PASK: variants seen among roughly 807,000 people sequenced by gnomAD.
PASK encodes PAS domain-containing serine/threonine-protein kinase.
A neutral mutation model predicts 121.0 loss-of-function variants in PASK; 110 were observed. The observed-to-expected ratio is 0.91, with a 90% CI of 0.78 to 1.06. The LOEUF (loss-of-function observed/expected upper bound fraction) is 1.06. Ranked by LOEUF, PASK falls within the 50% of genes least tolerant of loss-of-function variation. The pLI, the probability that PASK is intolerant of heterozygous loss-of-function variation, is 0.00. For synonymous variants in PASK, 686 were observed against 717.8 expected, an observed-to-expected ratio of 0.96 and a Z score of 0.71; for missense variants, 1,643 against 1,702.3, an observed-to-expected ratio of 0.97 and a Z score of 0.61.
At chr2:241,119,468 CTTT>C (rs36113805) in intron 12 of PASK, among the ~76,000 whole-genome samples, 12 of 134,238 alleles carry the variant, frequency 8.9e-5, no homozygotes, top group Non-Finnish European at 1.3e-4. Flanking sequence ...CAAGATGCTT[CTTT>C]TTTTTTTTTT....
At chr2:241,111,256 C>T (rs3815300) in intron 15 of PASK, among the ~76,000 whole-genome samples, 35,778 of 152,072 alleles carry the variant, frequency 0.24, 6,588 homozygotes, top group African/African-American at 0.5. Flanking sequence ...GTGTGCCTCT[C>T]CTGTGGGGGC....
chr2:241,124,071 G>T lies in PASK; in HGVS notation c.2782C>A (p.Leu928Met). The change falls in exon 11 of 18, where the codon CTG becomes ATG. Residue 928 changes from leucine to methionine, a missense_variant. Transcript: ENST00000234040. ...QGPTPLFCCW[L>M]VKDLLHSQRD... The stretch of plus-strand genomic sequence containing the variant: ...TGGCTGTGGAGGAGGTCTTTCACCA[G>T]CCAGCAGCAGAACAGAGGTGTGGGG... The T allele has an allele frequency of 6.2e-7, 1 of 1,613,676 alleles. No homozygotes were observed. The highest frequency in any genetic ancestry group is 8.5e-7 in the Non-Finnish European group (1 of 1,179,888).
chr2:241,149,849 G>A (rs754267112), upstream of PASK: 3 of 1,475,606 alleles, frequency 2.0e-6, no homozygotes, highest in Non-Finnish European at 2.7e-6. Flanking sequence ...CTTGCAAGGG[G>A]AGCCCAGCTG....
In PASK at chr2:241,122,746, C is replaced by A; in HGVS notation, c.3058G>T (p.Glu1020Ter). ...FGFVWTAVDK[E>*]KNKEVVVKFI... ...AGCCAGGTTACCTCCTTGTTTTTTT[C>A]CTTGTCCACAGCAGTCCACACGAAG... The change falls in exon 12 of 18, where the codon GAA becomes TAA. Residue 1020 changes from glutamate to a stop codon, truncating the protein, a stop_gained. Transcript: ENST00000234040. LOFTEE classifies it high-confidence loss of function. The A allele has an allele frequency of 1.9e-6, 3 of 1,614,106 alleles. No individual in the cohort carries two copies. In the South Asian group the frequency reaches 3.3e-5, roughly 18 times the overall value.
intron 4 of PASK, 27 bp downstream of exon 4, chr2:241,139,858 C>A: frequency 6.2e-7 from 1 of 1,611,866 alleles, no homozygotes; most frequent in South Asian, 1.1e-5. Flanking sequence ...TGAGGCCAGA[C>A]TGAACGCTGC....
intron 1 of PASK, among the ~76,000 whole-genome samples, chr2:241,147,355 T>C (rs1343381138): frequency 6.6e-6 from 1 of 152,214 alleles, no homozygotes; most frequent in African/African-American, 2.4e-5. Flanking sequence ...CAAAACTATT[T>C]TAAAAAGTCA....
rs756563834 is a variant in PASK at position 241,126,844 on chromosome 2, T to C, written c.2071A>G (p.Thr691Ala). ...AGATCGCAGGACGACACAGGAGCGG[T>C]GACAGCCTGGCACTCTGTCGGAACG... ...ELVPTECQAV[T>A]APVSSCDLGG... The change falls in exon 10 of 18, where the codon ACC becomes GCC. Residue 691 changes from threonine (T) to alanine (A), a missense_variant. Physicochemically the swap from Thr to Ala is moderately conservative, Grantham distance 58. Coordinates refer to ENST00000234040, the MANE Select transcript of PASK (RefSeq NM_015148.4). 3.1e-6 allele frequency: 5 copies of C among 1,612,678 alleles called. No individual in the cohort carries two copies. In the African/African-American group the frequency reaches 4.0e-5, roughly 13 times the overall value.
chr2:241,107,591 G>A, intron 16 of PASK, 92 bp from the exon 17 acceptor site: 1 of 1,277,026 alleles, frequency 7.8e-7, no homozygotes, highest in Non-Finnish European at 1.1e-6. Flanking sequence ...CCCCCGCAGA[G>A]CCTCTGACTG....
chr2:241,131,684 T>A (rs111523758), intron 9 of PASK, among the ~76,000 whole-genome samples: 2,156 of 151,948 alleles, frequency 0.014, 24 homozygotes, highest in African/African-American at 0.036. Flanking sequence ...GGACCCAGGG[T>A]CTGCAGGCAG....
chr2:241,115,740 C>T (rs1200528054), intron 12 of PASK, among the ~76,000 whole-genome samples: 9 of 148,996 alleles, frequency 6.0e-5, no homozygotes, highest in Admixed American at 1.3e-4. Flanking sequence ...CCAAGCATCC[C>T]GTTACACCAG....
chr2:241,142,905 G>A lies in PASK; in HGVS notation c.128C>T (p.Ser43Leu). The change falls in exon 2 of 18, where the codon TCA (serine) becomes TTA (leucine). Residue 43 changes from serine to leucine, a missense_variant. Physicochemically the swap from Ser to Leu is moderately radical, Grantham distance 145. Transcript: ENST00000234040. ...TTAEPSRSFS[S>L]AHRHLSRRNG... Reference sequence around the variant, plus strand: ...CCTTCTGCTCAGGTGTCTGTGGGCTGAGGAAAACGACCTGCTGGGCTCAGC... The same window carrying A: ...CCTTCTGCTCAGGTGTCTGTGGGCTAAGGAAAACGACCTGCTGGGCTCAGC... 6.2e-6 allele frequency: 10 copies of A among 1,614,086 alleles called. No homozygotes were observed. The highest frequency in any genetic ancestry group is 7.6e-6 in the Non-Finnish European group (9 of 1,179,944).
Position 241,115,185 on chromosome 2 carries a change from GA to G in PASK, c.3199-9del. ...TTCAAATATATCCAATACCTAGGAA[GA>G]GACAAAGCCAAGTCCAACTCTACCA... On this transcript the variant is annotated splice_polypyrimidine_tract_variant and intron_variant, in intron 13 of 17. Transcript: ENST00000234040. 1.2e-6 allele frequency: 2 copies of G among 1,614,062 alleles called. No individual in the cohort carries two copies. The highest frequency in any genetic ancestry group is 1.7e-6 in the Non-Finnish European group (2 of 1,179,984).
At chr2:241,138,919 T>C (rs11682122) in intron 4 of PASK, 125 bp from the exon 5 acceptor site, 80,338 of 886,358 alleles carry the variant, frequency 0.091, 5,128 homozygotes, top group African/African-American at 0.26. Context: ...GCTTACCTGA[T>C]TTTCATTTCA....
chr2:241,143,486 G>A (rs1575345447), intron 1 of PASK, among the ~76,000 whole-genome samples: 1 of 151,002 alleles, frequency 6.6e-6, no homozygotes, highest in African/African-American at 2.4e-5. Flanking sequence ...GGGAGGCAGA[G>A]CTTGCAGTGA....
intron 12 of PASK, among the ~76,000 whole-genome samples, chr2:241,115,726 G>T (rs2065314520): frequency 6.9e-6 from 1 of 145,786 alleles, no homozygotes; most frequent in Admixed American, 6.9e-5. Context: ...GGGCCACCCG[G>T]TCCCCAAGCA....
intron 1 of PASK, among the ~76,000 whole-genome samples, chr2:241,147,777 GTAAA>G (rs1408564688): frequency 6.6e-6 from 1 of 152,182 alleles, no homozygotes; most frequent in African/African-American, 2.4e-5. Flanking sequence ...ATGGGAGAAA[GTAAA>G]TAAATACCAA....
At chr2:241,131,388 T>C (rs552176732) in intron 9 of PASK, among the ~76,000 whole-genome samples, 6 of 152,310 alleles carry the variant, frequency 3.9e-5, no homozygotes, top group Non-Finnish European at 5.9e-5. Flanking sequence ...GACCTCATGA[T>C]CCACCCACTT....
At chr2:241,119,293 C>G (rs113498518) in intron 12 of PASK, among the ~76,000 whole-genome samples, 188 of 152,286 alleles carry the variant, frequency 1.2e-3, no homozygotes, top group African/African-American at 4.4e-3. Flanking sequence ...ACAGCAGAGG[C>G]CTGGGCTGCG....
intron 5 of PASK, 101 bp downstream of exon 5, chr2:241,138,553 C>T: frequency 1.4e-6 from 2 of 1,417,580 alleles, no homozygotes; most frequent in South Asian, 1.2e-5. Flanking sequence ...CTCATCCTCT[C>T]TTTCTTCCCA....
Sources: gnomAD v4.1 joint callset for allele counts (sites outside exome capture counted in the v4.1 genomes callset) on GRCh38, gnomAD v4.1.1 for gene constraint, MANE v1.5 for transcripts, NCBI Gene and HGNC (gene_info 2026-07-23, HGNC 2026-07-21) for gene names.